PXDN: variants seen among roughly 807,000 people sequenced by gnomAD.
PXDN encodes the protein peroxidasin homolog.
A neutral mutation model predicts 140.3 loss-of-function variants in PXDN; 77 were observed. That is an observed-to-expected ratio of 0.55 (90% CI 0.46 to 0.66). The LOEUF (loss-of-function observed/expected upper bound fraction) is 0.66, where lower values mean the gene tolerates loss of function less well. Among genes scored for constraint, PXDN ranks in the 30% least tolerant of loss-of-function variants. PXDN has a pLI of 0.00. For synonymous variants in PXDN, 911 were observed against 857.4 expected, an observed-to-expected ratio of 1.06 and a Z score of -1.09; for missense variants, 1,838 against 2,039.5, an observed-to-expected ratio of 0.90 and a Z score of 1.90.
At chr2:1,701,037 G>A (rs754540999) in intron 1 of PXDN, among the ~76,000 whole-genome samples, 1 of 152,206 alleles carries the variant, frequency 6.6e-6, no homozygotes, top group African/African-American at 2.4e-5. Flanking sequence ...ACCTGGCCCC[G>A]CTGGGAAAGG....
At chr2:1,716,440 G>GAAAAAAAAAAAAAAAA (rs550784477) in intron 1 of PXDN, among the ~76,000 whole-genome samples, 1 of 58,196 alleles carries the variant, frequency 1.7e-5, no homozygotes, top group East Asian at 5.6e-4. Context: ...TCCATCTCAG[G>GAAAAAAAAAAAAAAAA]AAAAAAAAAA....
chr2:1,652,708 C>G (rs577131819), intron 16 of PXDN, among the ~76,000 whole-genome samples: 11 of 152,246 alleles, frequency 7.2e-5, no homozygotes, highest in Non-Finnish European at 1.3e-4. Flanking sequence ...GCTCCAAAAC[C>G]TAACAGGACG....
intron 1 of PXDN, among the ~76,000 whole-genome samples, chr2:1,743,401 T>C (rs1180407840): frequency 1.3e-5 from 2 of 151,340 alleles, no homozygotes; most frequent in Non-Finnish European, 2.9e-5. Context: ...GCGGCCCCTC[T>C]CGGGAACCCC....
intron 21 of PXDN, 154 bp from the exon 22 acceptor site, chr2:1,635,675 T>C (rs1336440287): frequency 1.5e-6 from 1 of 688,890 alleles, no homozygotes; most frequent in Non-Finnish European, 2.6e-6. Flanking sequence ...ATCTCCAATG[T>C]CCTTATTAGA....
At chr2:1,717,307 C>T (rs981935177) in intron 1 of PXDN, among the ~76,000 whole-genome samples, 1 of 152,136 alleles carries the variant, frequency 6.6e-6, no homozygotes, top group African/African-American at 2.4e-5. Context: ...AGAGATTCCG[C>T]TGCTGTCTGT....
rs559239252 is a variant in PXDN at position 1,685,332 on chromosome 2, G to A, written c.417-1181C>T. On this transcript the variant is annotated intron_variant, in intron 4 of 22. Transcript: ENST00000252804. This position sits in a 1 kb window ranked among gnomAD's most constrained non-coding sequence, Gnocchi z 5.1. ...GAGCAGGAAGACAAGGAAAACCGCC[G>A]TGGGCGAGCATGACGGGCGGGCACC... 4.6e-5 allele frequency among the ~76,000 whole-genome samples: 7 copies of A among 152,370 alleles called. No homozygotes were observed. The South Asian group carries it at 6.2e-4, about 14-fold the overall frequency.
chr2:1,741,506 T>C (rs13019541), intron 1 of PXDN, among the ~76,000 whole-genome samples: 77,977 of 151,864 alleles, frequency 0.51, 21,331 homozygotes, highest in South Asian at 0.65. Context: ...AACTGAGTCA[T>C]GGATGGGCTT....
At chr2:1,720,551 C>T (rs1380909146) in intron 1 of PXDN, among the ~76,000 whole-genome samples, 1 of 152,024 alleles carries the variant, frequency 6.6e-6, no homozygotes, top group African/African-American at 2.4e-5. Flanking sequence ...CGCTTTCTCA[C>T]ACCACCTGCT....
chr2:1,721,243 G>A (rs983082313), intron 1 of PXDN, among the ~76,000 whole-genome samples: 5 of 152,196 alleles, frequency 3.3e-5, no homozygotes, highest in African/African-American at 9.7e-5. Flanking sequence ...TCACTTAGAA[G>A]GTGCAAATGT....
At chr2:1,641,171 G>C (rs998131790) in intron 19 of PXDN, among the ~76,000 whole-genome samples, 2 of 151,854 alleles carry the variant, frequency 1.3e-5, no homozygotes, top group African/African-American at 4.8e-5. Flanking sequence ...TTATTTTTTT[G>C]AGACAGTTTC....
intron 1 of PXDN, among the ~76,000 whole-genome samples, chr2:1,740,696 CT>C (rs2125497698): frequency 6.6e-6 from 1 of 152,340 alleles, no homozygotes; most frequent in East Asian, 1.9e-4. Context: ...AGGAAGCCCC[CT>C]GACTCTCTGG....
At chr2:1,657,654 G>A (rs1210909531) in intron 14 of PXDN, among the ~76,000 whole-genome samples, 1 of 148,902 alleles carries the variant, frequency 6.7e-6, no homozygotes, top group Non-Finnish European at 1.5e-5. Context: ...TCTTGACAGC[G>A]ACCTGCCCAC....
At position 1,687,780 on chromosome 2, in the gene PXDN, G is replaced by T; in HGVS notation, c.345-77C>A. The T allele has an allele frequency of 9.3e-7, 1 of 1,071,906 alleles. No homozygotes were observed. The highest frequency in any genetic ancestry group is 1.5e-5 in the South Asian group (1 of 67,402). The allele number at this position is 1,071,906 out of a possible 1,614,324, so 66.4% of individuals were successfully genotyped here. ...TCAGACGGAAAAGAAGAATTAAATT[G>T]ACACATGGAGACAGTTTTACAATTA... On this transcript the variant is annotated intron_variant, in intron 3 of 22. Transcript: ENST00000252804. The surrounding 1 kb of genome is among the most constrained non-coding windows in gnomAD (Gnocchi z 4.0).
chr2:1,684,967 T>A (rs1308674391), intron 4 of PXDN, among the ~76,000 whole-genome samples: 1 of 152,162 alleles, frequency 6.6e-6, no homozygotes. Flanking sequence ...AGTGACTACT[T>A]CTTCAGGAGG....
intron 9 of PXDN, among the ~76,000 whole-genome samples, 153 bp downstream of exon 9, chr2:1,673,490 G>A (rs538232455): frequency 1.3e-5 from 2 of 152,262 alleles, no homozygotes; most frequent in Admixed American, 6.5e-5. Flanking sequence ...ACGACCCTGC[G>A]CTTAGAAAGC....
intron 1 of PXDN, among the ~76,000 whole-genome samples, chr2:1,724,312 G>GTT (rs34475212): frequency 0.046 from 6,483 of 139,740 alleles, 274 homozygotes; most frequent in African/African-American, 0.098. Context: ...CTGAATTTCC[G>GTT]TTTTTTTTTT....
At chr2:1,680,145 G>A (rs1376534646) in intron 7 of PXDN, 48 bp downstream of exon 7, 3 of 1,502,964 alleles carry the variant, frequency 2.0e-6, no homozygotes, top group Non-Finnish European at 8.9e-7. Flanking sequence ...TGGTGTGTGT[G>A]TAGATGGTGT....
At chr2:1,688,304 G>A (rs758142837) in intron 3 of PXDN, among the ~76,000 whole-genome samples, 3 of 152,160 alleles carry the variant, frequency 2.0e-5, no homozygotes, top group Admixed American at 6.5e-5. Context: ...GAATGCCAGC[G>A]TCCATAAATG....
Position 1,649,185 on chromosome 2 carries a change from A to AT in PXDN, c.2594dup (p.Asn865LysfsTer2). ...GGGCCCCGCTCCTGGCCCGGGAGTC[A>AT]TTGGGGGGGATCATGACAGAGAAGC... On this transcript the variant is annotated frameshift_variant, in exon 17 of 23. Transcript: ENST00000252804. LOFTEE classifies it high-confidence loss of function. This position sits in a 1 kb window ranked among gnomAD's most constrained non-coding sequence, Gnocchi z 7.1. The AT allele has an allele frequency of 7.0e-7, 1 of 1,421,932 alleles. No individual in the cohort carries two copies. Among genetic ancestry groups the AT allele is most frequent in the Non-Finnish European group, 9.4e-7 (1 of 1,060,826 alleles). 88.1% of individuals were successfully genotyped at this position (1,421,932 alleles called of 1,614,324 possible). A position where few individuals can be genotyped will look rare whatever the true frequency, so the allele number is the denominator to read the frequency against.
Sources: gnomAD v4.1 joint callset for allele counts (sites outside exome capture counted in the v4.1 genomes callset) on GRCh38, gnomAD v4.1.1 for gene constraint, Gnocchi (gnomAD v3.1) non-coding constraint, MANE v1.5 for transcripts, NCBI Gene and HGNC (gene_info 2026-07-23, HGNC 2026-07-21) for gene names.